Variants in ALPK3 observed in about 807,000 individuals in gnomAD.
ALPK3 encodes alpha-protein kinase 3.
A neutral mutation model predicts 140.0 loss-of-function variants in ALPK3; 102 were observed. That is an observed-to-expected ratio of 0.73 (90% CI 0.62 to 0.86). ALPK3 has a LOEUF of 0.86. Ranked by LOEUF, ALPK3 falls within the 40% of genes least tolerant of loss-of-function variation. The probability of loss-of-function intolerance (pLI) is 0.00; values close to 1 mark genes in which losing one functional copy is unlikely to be tolerated. For missense variants in ALPK3, 2,254 were observed against 2,208.2 expected (o/e 1.02, Z -0.42); for synonymous variants, 938 against 898.5 (o/e 1.04, Z -0.79).
chr15:84,838,616 A>G (rs1158969405), intron 3 of ALPK3, among the ~76,000 whole-genome samples: 2 of 68,296 alleles, frequency 2.9e-5, no homozygotes, highest in Non-Finnish European at 5.6e-5. Context: ...TATTATTATT[A>G]TTATTATTAT....
chr15:84,856,814 A>AT lies in ALPK3; in HGVS notation c.2076_2077insT (p.Gln693SerfsTer33). On this transcript the variant is annotated frameshift_variant, in exon 6 of 14. Coordinates refer to ENST00000258888, the MANE Select transcript of ALPK3 (RefSeq NM_020778.5). LOFTEE classifies it high-confidence loss of function. Reference sequence around the variant, plus strand: ...GGAAGGCCCAGGCAGATAAGGGCACACAGGAAGACAGAAGGATGCAGGGAG... The same window carrying AT: ...GGAAGGCCCAGGCAGATAAGGGCACATCAGGAAGACAGAAGGATGCAGGGAG... 1 of 1,614,128 alleles carries AT rather than the reference A, an allele frequency of 6.2e-7. No individual in the cohort carries two copies. The highest frequency in any genetic ancestry group is 8.5e-7 in the Non-Finnish European group (1 of 1,180,008).
intron 5 of ALPK3, among the ~76,000 whole-genome samples, chr15:84,847,574 A>G (rs908557985): frequency 2.0e-5 from 3 of 152,244 alleles, no homozygotes; most frequent in African/African-American, 4.8e-5. Flanking sequence ...TTGAATGACT[A>G]TAGATTTCTC....
chr15:84,849,112 A>C (rs1247728589), intron 5 of ALPK3, among the ~76,000 whole-genome samples: 8 of 152,070 alleles, frequency 5.3e-5, no homozygotes, highest in Non-Finnish European at 1.2e-4. Context: ...ATTGCACTCC[A>C]GCCTGGGCAA....
rs1378717889 is a variant in ALPK3 at position 84,857,358 on chromosome 15, G to A, written c.2620G>A (p.Gly874Arg). Residue 874 changes from glycine to arginine, a missense_variant, in exon 6 of 14, where the codon GGG (glycine) becomes AGG (arginine). By Grantham distance (125) the Gly-to-Arg change is moderately radical. Around this residue, in one of 3 missense-constraint regions of ALPK3, gnomAD observed 2,088 missense variants for 2,022.9 expected, o/e 1.03. Transcript: ENST00000258888. The part of the protein sequence containing the change: ...VPTMPSLPGT[G>R]LTASPKAGPC... ...CACGATGCCTTCTCTTCCTGGAACTGGGCTGACAGCTAGCCCAAAGGCGGG... is the reference window on the plus strand; with the variant it reads ...CACGATGCCTTCTCTTCCTGGAACTAGGCTGACAGCTAGCCCAAAGGCGGG... The A allele has an allele frequency of 6.2e-7, 1 of 1,614,130 alleles. No individual in the cohort carries two copies.
intron 10 of ALPK3, 115 bp downstream of exon 10, chr15:84,863,030 C>T: frequency 1.5e-6 from 2 of 1,376,152 alleles, no homozygotes; most frequent in South Asian, 2.8e-5. Flanking sequence ...CAGTCTCAAC[C>T]TTATGAGGCT....
chr15:84,868,499 C>G lies in ALPK3; in HGVS notation c.*43C>G, dbSNP rs1181628277. On this transcript the variant is annotated 3_prime_UTR_variant, in exon 14 of 14. Coordinates refer to ENST00000258888, the MANE Select transcript of ALPK3 (RefSeq NM_020778.5). Reference sequence around the variant, plus strand: ...GGCCTCCACCCAGCAGCAGACCAACCAGGAAGCAGCTTGAACTGGATGGAG... The same window carrying G: ...GGCCTCCACCCAGCAGCAGACCAACGAGGAAGCAGCTTGAACTGGATGGAG... 3.3e-6 allele frequency: 5 copies of G among 1,534,348 alleles called. No homozygotes were observed. In the African/African-American group the frequency reaches 6.9e-5, roughly 21 times the overall value.
intron 1 of ALPK3, among the ~76,000 whole-genome samples, chr15:84,820,488 G>A: frequency 6.7e-6 from 1 of 149,726 alleles, no homozygotes; most frequent in East Asian, 2.0e-4. Context: ...ATTTTAGTGT[G>A]TTTTTTTTTT....
chr15:84,817,743 C>T, intron 1 of ALPK3, 148 bp downstream of exon 1: 9 of 1,100,014 alleles, frequency 8.2e-6, no homozygotes, highest in Non-Finnish European at 1.1e-5. Flanking sequence ...GGGACATGGC[C>T]GGGCTGGAAT....
Position 84,859,765 on chromosome 15 carries a change from C to T in ALPK3, c.3966-11C>T, listed in dbSNP as rs762690449. The T allele has an allele frequency of 1.2e-6, 2 of 1,608,948 alleles. No individual in the cohort carries two copies. The highest frequency in any genetic ancestry group is 2.7e-5 in the African/African-American group (2 of 74,912). On this transcript the variant is annotated splice_polypyrimidine_tract_variant and intron_variant, in intron 7 of 13. Transcript: ENST00000258888. ...GCCATGGCCCTCACGAGTAGGGTCT[C>T]CACTCTGCAGCGCAGGGGATGAGGG...
chr15:84,865,024 C>T (rs1457184572), intron 12 of ALPK3, among the ~76,000 whole-genome samples: 1 of 152,218 alleles, frequency 6.6e-6, no homozygotes, highest in African/African-American at 2.4e-5. Flanking sequence ...TTGCTCTAGA[C>T]TTTCTCACTC....
intron 13 of ALPK3, among the ~76,000 whole-genome samples, chr15:84,867,898 A>G (rs531188943): frequency 6.6e-6 from 1 of 152,232 alleles, no homozygotes; most frequent in Non-Finnish European, 1.5e-5. Flanking sequence ...TGGGCCAAGT[A>G]GAGAGACTCT....
rs1963876448 is a variant in ALPK3 at position 84,857,295 on chromosome 15, G to A, written c.2557G>A (p.Gly853Ser). 1 of 1,614,082 alleles carries A rather than the reference G, an allele frequency of 6.2e-7. No homozygotes were observed. Among genetic ancestry groups the A allele is most frequent in the East Asian group, 2.2e-5 (1 of 44,872 alleles). The change falls in exon 6 of 14, where the codon GGT (glycine) becomes AGT (serine). Residue 853 changes from glycine to serine, a missense_variant. Physicochemically the swap from Gly to Ser is moderately conservative, Grantham distance 56 (BLOSUM62 0). Transcript: ENST00000258888. ...AGGGGGAGTGCCGTGTATGGATCAG[G>A]GTGGCTGTCCTCTAGCTGGCCTGAG... ...RPGGVPCMDQ[G>S]GCPLAGLSQE...
intron 4 of ALPK3, 23 bp downstream of exon 4, chr15:84,839,120 GCT>G (rs759519402): frequency 1.3e-6 from 2 of 1,581,394 alleles, no homozygotes; most frequent in Non-Finnish European, 1.7e-6. Flanking sequence ...GGCCTGTTTT[GCT>G]CTCTCTGCCC....
chr15:84,858,484 CAG>C lies in ALPK3; in HGVS notation c.3749_3750del (p.Glu1250GlyfsTer5). 6.3e-7 allele frequency: 1 copy of C among 1,578,990 alleles called. No homozygotes were observed. The highest frequency in any genetic ancestry group is 8.6e-7 in the Non-Finnish European group (1 of 1,168,150). On this transcript the variant is annotated frameshift_variant, in exon 6 of 14. Transcript: ENST00000258888. LOFTEE classifies it high-confidence loss of function. ...AGCCCCAAGGCCGGCGGTCTGGACA[CAG>C]AGGTGGCCCTGGATGAAGGCAAGCA...
At chr15:84,842,779 C>T (rs1298894557) in intron 5 of ALPK3, among the ~76,000 whole-genome samples, 2 of 152,162 alleles carry the variant, frequency 1.3e-5, no homozygotes, top group African/African-American at 4.8e-5. Flanking sequence ...CTTTCTGGAA[C>T]CTGTTCCTGA....
intron 3 of ALPK3, among the ~76,000 whole-genome samples, chr15:84,835,362 T>C (rs908010509): frequency 2.6e-5 from 4 of 152,176 alleles, no homozygotes; most frequent in Non-Finnish European, 5.9e-5. Flanking sequence ...TCCCTGCTCC[T>C]GTACACAGTT....
At chr15:84,863,041 C>T (rs1187920956) in intron 10 of ALPK3, 126 bp downstream of exon 10, 2 of 1,277,132 alleles carry the variant, frequency 1.6e-6, no homozygotes, top group Non-Finnish European at 2.1e-6. Flanking sequence ...TTATGAGGCT[C>T]CTAGGAGGAC....
chr15:84,831,078 A>C (rs1963541351), intron 3 of ALPK3, among the ~76,000 whole-genome samples: 6 of 152,218 alleles, frequency 3.9e-5, no homozygotes, highest in Admixed American at 3.9e-4. Context: ...TAAGCTGAAA[A>C]TAATTTCCCT....
chr15:84,839,757 A>C lies in ALPK3; in HGVS notation c.478A>C (p.Ile160Leu). 6.2e-7 allele frequency: 1 copy of C among 1,614,154 alleles called. No individual in the cohort carries two copies. The highest frequency in any genetic ancestry group is 8.5e-7 in the Non-Finnish European group (1 of 1,180,024). Residue 160 changes from isoleucine to leucine, a missense_variant, in exon 5 of 14, where the codon ATT becomes CTT. Physicochemically the swap from Ile to Leu is conservative, Grantham distance 5. This residue lies in a region of ALPK3 where 2,088 missense variants were observed against 2,022.9 expected (regional missense o/e 1.03). Transcript: ENST00000258888. Reference protein sequence around the residue: ...YQASAQNSKGIVSCSGVLEVG... With the variant: ...YQASAQNSKGLVSCSGVLEVG... ...GGCCTCTGCCCAGAACAGCAAGGGC[A>C]TTGTGTCCTGCTCAGGGGTCCTGGA...
Sources: gnomAD v4.1 joint callset for allele counts (sites outside exome capture counted in the v4.1 genomes callset) on GRCh38, gnomAD v4.1.1 for gene constraint, gnomAD v4.1.1 regional missense constraint, MANE v1.5 for transcripts, NCBI Gene and HGNC (gene_info 2026-07-23, HGNC 2026-07-21) for gene names.